TRPM3: variants seen among roughly 807,000 people sequenced by gnomAD.
TRPM3 encodes the protein transient receptor potential cation channel subfamily M member 3, also known as long transient receptor potential channel 3.
Under a neutral mutation model 181.2 loss-of-function variants are expected in TRPM3, and 77 were observed. That is an observed-to-expected ratio of 0.42 (90% CI 0.35 to 0.51). The LOEUF is 0.51. Among genes scored for constraint, TRPM3 ranks in the 20% least tolerant of loss-of-function variants. The pLI is 0.01. For missense variants in TRPM3, 1,759 were observed against 2,196.7 expected, an observed-to-expected ratio of 0.80 and a Z score of 3.98; for synonymous variants, 745 against 796.4, an observed-to-expected ratio of 0.94 and a Z score of 1.09.
intron 8 of TRPM3, chr9:70,761,140 C>T: frequency 3.1e-6 from 1 of 325,534 alleles, no homozygotes; most frequent in South Asian, 8.3e-5. Context: ...ATTTTAGATT[C>T]CTCCAGGATT....
intron 1 of TRPM3, among the ~76,000 whole-genome samples, chr9:71,006,324 A>G (rs1399240201): frequency 6.6e-6 from 1 of 152,176 alleles, no homozygotes; most frequent in East Asian, 1.9e-4. Flanking sequence ...AAATGGCAGT[A>G]GAAAACCCGT....
At chr9:71,348,165 C>T (rs1209739869) in intron 1 of TRPM3, among the ~76,000 whole-genome samples, 1 of 152,128 alleles carries the variant, frequency 6.6e-6, no homozygotes, top group Non-Finnish European at 1.5e-5. Context: ...TACACATACA[C>T]AGAGACACAT....
At chr9:71,334,816 T>C (rs76566523) in intron 1 of TRPM3, among the ~76,000 whole-genome samples, 2,212 of 152,258 alleles carry the variant, frequency 0.015, 41 homozygotes, top group African/African-American at 0.048. Context: ...TTTACAGTAA[T>C]GATGCTGGTT....
intron 1 of TRPM3, among the ~76,000 whole-genome samples, chr9:71,357,405 C>T (rs953739680): frequency 6.6e-6 from 1 of 152,112 alleles, no homozygotes; most frequent in African/African-American, 2.4e-5. Flanking sequence ...TGATAATGAA[C>T]CAAAGTTTAG....
chr9:71,205,207 T>TA (rs1174739234), intron 1 of TRPM3, among the ~76,000 whole-genome samples: 1 of 149,796 alleles, frequency 6.7e-6, no homozygotes, highest in Non-Finnish European at 1.5e-5. Context: ...AAAACTTAAA[T>TA]AAAAAAAAGT....
In TRPM3 at chr9:70,610,784, G is replaced by A. The variant is rs1389688775; in HGVS notation, c.2527-35C>T. ...AAGAGAATCGATACCATCATGACAG[G>A]GCTCTGGAGAGCATGTTGTTCAATG... On this transcript the variant is annotated intron_variant, in intron 18 of 25. Transcript: ENST00000677713. 1.9e-6 allele frequency: 3 copies of A among 1,610,480 alleles called. No individual in the cohort carries two copies. In the African/African-American group the frequency reaches 4.0e-5, roughly 22 times the overall value.
chr9:71,045,496 G>A (rs779811166), intron 1 of TRPM3, among the ~76,000 whole-genome samples: 3 of 152,086 alleles, frequency 2.0e-5, no homozygotes, highest in Non-Finnish European at 2.9e-5. Flanking sequence ...TGTACAATTC[G>A]TTATATCACA....
chr9:71,438,496 C>T (rs971967890), intron 1 of TRPM3, among the ~76,000 whole-genome samples: 3 of 125,748 alleles, frequency 2.4e-5, no homozygotes, highest in African/African-American at 7.4e-5. Flanking sequence ...GTGGCAAAAC[C>T]CCTTCTCTAC....
At chr9:70,753,312 T>C (rs1487187852) in intron 8 of TRPM3, among the ~76,000 whole-genome samples, 1 of 152,134 alleles carries the variant, frequency 6.6e-6, no homozygotes, top group East Asian at 1.9e-4. Context: ...AACAAAAGAT[T>C]AGTATTTAAC....
chr9:70,898,762 A>AAG (rs1554764722), intron 1 of TRPM3, among the ~76,000 whole-genome samples: 43 of 143,104 alleles, frequency 3.0e-4, no homozygotes, highest in African/African-American at 1.1e-3. Context: ...AAAAAAAAAA[A>AAG]AAAAGAAAAG....
intron 1 of TRPM3, among the ~76,000 whole-genome samples, chr9:71,388,137 A>G (rs992434147): frequency 6.6e-6 from 1 of 152,174 alleles, no homozygotes; most frequent in African/African-American, 2.4e-5. Flanking sequence ...TTATACAACA[A>G]AAAGAGGAAC....
chr9:71,138,032 T>C (rs1038192833), intron 1 of TRPM3, among the ~76,000 whole-genome samples: 1 of 151,800 alleles, frequency 6.6e-6, no homozygotes, highest in Admixed American at 6.6e-5. Context: ...GAGAATCACT[T>C]GAACTTGTGA....
At chr9:71,104,425 A>T (rs1187695097) in intron 1 of TRPM3, among the ~76,000 whole-genome samples, 1 of 152,196 alleles carries the variant, frequency 6.6e-6, no homozygotes, top group African/African-American at 2.4e-5. Flanking sequence ...AACATATCGA[A>T]TGCTTCTCAT....
chr9:70,874,597 T>C (rs2095842651), intron 1 of TRPM3, among the ~76,000 whole-genome samples: 1 of 151,960 alleles, frequency 6.6e-6, no homozygotes, highest in African/African-American at 2.4e-5. Flanking sequence ...TTAATTCTGT[T>C]TAGCTTTCAC....
At chr9:70,579,796 A>G (rs755611317) in intron 22 of TRPM3, among the ~76,000 whole-genome samples, 67 of 152,222 alleles carry the variant, frequency 4.4e-4, no homozygotes, top group Non-Finnish European at 8.8e-4. Flanking sequence ...GACCCTTGAC[A>G]AAACTGCCAT....
intron 1 of TRPM3, among the ~76,000 whole-genome samples, chr9:71,422,106 G>T (rs1563914554): frequency 6.6e-6 from 1 of 151,714 alleles, no homozygotes; most frequent in Non-Finnish European, 1.5e-5. Flanking sequence ...ACTTCTGTTT[G>T]GTTTTCTCTT....
intron 1 of TRPM3, among the ~76,000 whole-genome samples, chr9:71,428,255 C>CTTT (rs567636846): frequency 8.5e-4 from 109 of 128,328 alleles, no homozygotes; most frequent in African/African-American, 2.8e-3. Flanking sequence ...CCATGCCCGG[C>CTTT]TTTTTTTTTT....
At chr9:70,757,559 C>G (rs1364371287) in intron 8 of TRPM3, among the ~76,000 whole-genome samples, 5 of 152,178 alleles carry the variant, frequency 3.3e-5, no homozygotes, top group Non-Finnish European at 1.5e-5. Context: ...GGCCAATATC[C>G]CTGATGAACA....
intron 22 of TRPM3, among the ~76,000 whole-genome samples, chr9:70,578,650 G>A (rs1588733705): frequency 6.6e-6 from 1 of 152,336 alleles, no homozygotes; most frequent in South Asian, 2.1e-4. Context: ...TGATCAATGG[G>A]GACCTGCAGC....
Sources: gnomAD v4.1 joint callset for allele counts (sites outside exome capture counted in the v4.1 genomes callset) on GRCh38, gnomAD v4.1.1 for gene constraint, MANE v1.5 for transcripts, NCBI Gene and HGNC (gene_info 2026-07-23, HGNC 2026-07-21) for gene names.